TNS3: variants seen among roughly 807,000 people sequenced by gnomAD.
TNS3 encodes the protein tensin-3.
Under a neutral mutation model 140.9 loss-of-function variants are expected in TNS3, and 45 were observed. That is an observed-to-expected ratio of 0.32 (90% confidence interval 0.25 to 0.41). TNS3 has a LOEUF of 0.41. Among genes scored for constraint, TNS3 ranks in the 10% least tolerant of loss-of-function variants. TNS3 has a pLI of 1.00. For synonymous variants in TNS3, 815 were observed against 788.4 expected (o/e 1.03, Z -0.56); for missense variants, 1,716 against 1,906.7 (o/e 0.90, Z 1.86).
chr7:47,577,462 G>A (rs182047701), intron 1 of TNS3, among the ~76,000 whole-genome samples: 6 of 152,276 alleles, frequency 3.9e-5, no homozygotes, highest in African/African-American at 1.4e-4. Context: ...CAGCAGGCAC[G>A]CCGCAGCTCC....
intron 1 of TNS3, among the ~76,000 whole-genome samples, chr7:47,565,746 A>G (rs2152006096): frequency 6.6e-6 from 1 of 152,316 alleles, no homozygotes. Context: ...GAAAATACGC[A>G]CAAATTTACA....
intron 3 of TNS3, among the ~76,000 whole-genome samples, chr7:47,488,891 G>A (rs1346300802): frequency 1.3e-5 from 2 of 152,104 alleles, no homozygotes; most frequent in Non-Finnish European, 2.9e-5. Flanking sequence ...CTAGGTAGAG[G>A]GTTGAAGAGA....
chr7:47,500,223 C>G (rs917991238), intron 3 of TNS3, among the ~76,000 whole-genome samples: 2 of 151,968 alleles, frequency 1.3e-5, no homozygotes, highest in African/African-American at 4.8e-5. Flanking sequence ...CATCTGGGTC[C>G]AGCTCTGTGC....
At chr7:47,559,453 A>G (rs1800278200) in intron 1 of TNS3, among the ~76,000 whole-genome samples, 1 of 152,248 alleles carries the variant, frequency 6.6e-6, no homozygotes, top group Admixed American at 6.5e-5. Flanking sequence ...TGGCTTCACA[A>G]CATTGCATCT....
chr7:47,419,795 A>G (rs1385077105), intron 10 of TNS3, among the ~76,000 whole-genome samples: 2 of 152,046 alleles, frequency 1.3e-5, no homozygotes, highest in Non-Finnish European at 2.9e-5. Flanking sequence ...CTCTGGCCCC[A>G]CCCAGAAGTG....
At chr7:47,302,027 C>T (rs1174336920) in intron 23 of TNS3, among the ~76,000 whole-genome samples, 159 bp downstream of exon 23, 4 of 152,208 alleles carry the variant, frequency 2.6e-5, no homozygotes, top group Admixed American at 2.6e-4. Context: ...TGTAGCATGT[C>T]CCCAGGAGGC....
At chr7:47,283,521 T>C (rs1388450625) in intron 28 of TNS3, among the ~76,000 whole-genome samples, 176 bp downstream of exon 28, 1 of 152,232 alleles carries the variant, frequency 6.6e-6, no homozygotes, top group Non-Finnish European at 1.5e-5. Flanking sequence ...AGAGTTCCTA[T>C]GTGGTTCCCA....
chr7:47,311,453 TAGAGAG>T (rs899447132), intron 20 of TNS3, among the ~76,000 whole-genome samples: 1 of 149,662 alleles, frequency 6.7e-6, no homozygotes, highest in Non-Finnish European at 1.5e-5. Context: ...CATATATATA[TAGAGAG>T]AGAGAGAGAA....
intron 2 of TNS3, among the ~76,000 whole-genome samples, chr7:47,525,987 C>T (rs1418285206): frequency 6.6e-6 from 1 of 152,206 alleles, no homozygotes; most frequent in African/African-American, 2.4e-5. Flanking sequence ...CAAGTCCCAA[C>T]CCAGGGAAGG....
chr7:47,458,322 C>T (rs1796341717), intron 4 of TNS3, among the ~76,000 whole-genome samples: 1 of 152,226 alleles, frequency 6.6e-6, no homozygotes. Context: ...GCTTCACTAG[C>T]TGAGCACAGG....
At chr7:47,294,255 G>A (rs1785879052) in intron 24 of TNS3, among the ~76,000 whole-genome samples, 1 of 152,196 alleles carries the variant, frequency 6.6e-6, no homozygotes, top group Admixed American at 6.5e-5. Flanking sequence ...GAAAAGAGCT[G>A]GAAGGAGGTC....
rs1450504590 is a variant in TNS3 at position 47,369,323 on chromosome 7, G to A, written c.1323C>T (p.Leu441=). The change falls in exon 17 of 31, where the codon CTC becomes CTT. Residue 441 remains leucine, a synonymous_variant. Transcript: ENST00000311160. ...GFGLEDPGSS[L]KEMTDARSKY... is the part of the protein sequence containing the mutation. ...TGCTTCGAGCATCAGTCATTTCCTT[G>A]AGGGAGCTTCCAGGATCTTCCAGGC... is the stretch of plus-strand genomic sequence containing the variant. The A allele has an allele frequency of 6.2e-7, 1 of 1,614,024 alleles. No homozygotes were observed. The highest frequency in any genetic ancestry group is 1.3e-5 in the African/African-American group (1 of 74,896).
intron 1 of TNS3, among the ~76,000 whole-genome samples, chr7:47,541,723 C>T (rs576869522): frequency 7.9e-5 from 12 of 151,956 alleles, no homozygotes; most frequent in Non-Finnish European, 1.3e-4. Flanking sequence ...CTGAGGCGAG[C>T]GGATCACAAG....
chr7:47,344,525 G>A lies in TNS3; in HGVS notation c.2650+230C>T, dbSNP rs116871081. Among the ~76,000 whole-genome samples the A allele has an allele frequency of 8.8e-3, 1,347 of 152,318 alleles. 10 individuals are homozygous for A. Among genetic ancestry groups the A allele is most frequent in the Admixed American group, 0.017 (257 of 15,308 alleles). On this transcript the variant is annotated intron_variant, in intron 20 of 30. Coordinates refer to ENST00000311160, the MANE Select transcript of TNS3 (RefSeq NM_022748.12). ...CCCATCAACTGCATATTACAGGAGG[G>A]TTCCCCACAGGATGCCAGGCAGCGA...
chr7:47,459,922 A>C (rs10237143), intron 4 of TNS3, among the ~76,000 whole-genome samples: 1,700 of 152,254 alleles, frequency 0.011, 36 homozygotes, highest in African/African-American at 0.039. Context: ...GACAGTTTGG[A>C]AACAGGATCT....
intron 16 of TNS3, among the ~76,000 whole-genome samples, chr7:47,390,028 A>T (rs1180119805): frequency 6.6e-6 from 1 of 152,222 alleles, no homozygotes; most frequent in Admixed American, 6.5e-5. Flanking sequence ...TGCAGAGTCA[A>T]ATGTCATAGG....
chr7:47,561,266 G>A (rs937423328), intron 1 of TNS3, among the ~76,000 whole-genome samples: 1 of 152,100 alleles, frequency 6.6e-6, no homozygotes, highest in Non-Finnish European at 1.5e-5. Flanking sequence ...CTTATTCTTA[G>A]GGGCCTGAAT....
chr7:47,448,096 A>G (rs1476420788), intron 4 of TNS3, among the ~76,000 whole-genome samples: 1 of 152,222 alleles, frequency 6.6e-6, no homozygotes, highest in Non-Finnish European at 1.5e-5. Context: ...GCCACTGCCA[A>G]AGCACATTTC....
At chr7:47,291,373 A>C (rs946945432) in intron 27 of TNS3, among the ~76,000 whole-genome samples, 4 of 152,186 alleles carry the variant, frequency 2.6e-5, no homozygotes, top group Non-Finnish European at 5.9e-5. Flanking sequence ...AGGTTCATCA[A>C]CCATAACATG....
Sources: gnomAD v4.1 joint callset for allele counts (sites outside exome capture counted in the v4.1 genomes callset) on GRCh38, gnomAD v4.1.1 for gene constraint, MANE v1.5 for transcripts, NCBI Gene and HGNC (gene_info 2026-07-23, HGNC 2026-07-21) for gene names.